The following C1orf21 variants were observed in gnomAD, a reference collection of about 807,000 sequenced individuals.
C1orf21 encodes uncharacterized protein C1orf21.
A neutral mutation model predicts 18.7 loss-of-function variants in C1orf21; 3 were observed. That is an observed-to-expected ratio of 0.16 (90% CI 0.07 to 0.42). The LOEUF (loss-of-function observed/expected upper bound fraction) is 0.42, where lower values mean the gene tolerates loss of function less well. Among genes scored for constraint, C1orf21 ranks in the 10% least tolerant of loss-of-function variants. The pLI is 0.99. For synonymous variants in C1orf21, 41 were observed against 46.4 expected, an observed-to-expected ratio of 0.88 and a Z score of 0.47; for missense variants, 104 against 143.6, an observed-to-expected ratio of 0.72 and a Z score of 1.41.
At chr1:184,550,486 C>A (rs1471804757) in intron 3 of C1orf21, among the ~76,000 whole-genome samples, 1 of 152,148 alleles carries the variant, frequency 6.6e-6, no homozygotes, top group Non-Finnish European at 1.5e-5. Flanking sequence ...GAAGTGATTT[C>A]ATCTCTTCAA....
intron 2 of C1orf21, among the ~76,000 whole-genome samples, chr1:184,485,630 CT>C (rs1657721856): frequency 6.6e-6 from 1 of 151,338 alleles, no homozygotes. Context: ...TACACTCAGC[CT>C]TTTGTGTGTC....
intron 1 of C1orf21, among the ~76,000 whole-genome samples, chr1:184,454,366 T>C (rs1479444131): frequency 2.6e-5 from 4 of 151,836 alleles, no homozygotes; most frequent in Admixed American, 2.0e-4. Flanking sequence ...AATTTAGAGG[T>C]TTATTTTGCC....
At chr1:184,518,669 CACAGTGTTAGTGTCCCAGTACA>C (rs1400252614) in intron 3 of C1orf21, among the ~76,000 whole-genome samples, 1 of 152,032 alleles carries the variant, frequency 6.6e-6, no homozygotes, top group East Asian at 1.9e-4. Flanking sequence ...TTCAGGTGAA[CACAGTGTTAGTGTCCCAGTACA>C]ACATATCTCT....
At chr1:184,411,051 G>A (rs894007088) in intron 1 of C1orf21, among the ~76,000 whole-genome samples, 2 of 151,988 alleles carry the variant, frequency 1.3e-5, no homozygotes, top group African/African-American at 4.8e-5. Flanking sequence ...AAATAGTTCC[G>A]ATTTGGAGAA....
At chr1:184,556,909 G>A (rs1208516435) in intron 3 of C1orf21, among the ~76,000 whole-genome samples, 4 of 152,156 alleles carry the variant, frequency 2.6e-5, no homozygotes, top group South Asian at 4.1e-4. Context: ...AGCGGCCTGA[G>A]CATCACAAGA....
chr1:184,574,210 G>C (rs1185784419), intron 3 of C1orf21, among the ~76,000 whole-genome samples: 1 of 151,492 alleles, frequency 6.6e-6, no homozygotes, highest in African/African-American at 2.4e-5. Flanking sequence ...GTCTCAAAAC[G>C]AAACAAAAAA....
chr1:184,471,466 T>C (rs1247249719), intron 1 of C1orf21, among the ~76,000 whole-genome samples: 1 of 152,106 alleles, frequency 6.6e-6, no homozygotes, highest in Non-Finnish European at 1.5e-5. Context: ...TTTTAAGTGG[T>C]CATTTCATCC....
At chr1:184,483,897 T>TTGTG (rs149955842) in intron 2 of C1orf21, among the ~76,000 whole-genome samples, 1 of 132,538 alleles carries the variant, frequency 7.5e-6, no homozygotes, top group Non-Finnish European at 1.6e-5. Context: ...TTTGCTGCCT[T>TTGTG]TGTGTGTGTG....
intron 1 of C1orf21, among the ~76,000 whole-genome samples, chr1:184,425,164 A>G (rs918594144): frequency 1.3e-5 from 2 of 152,174 alleles, no homozygotes; most frequent in Admixed American, 1.3e-4. Context: ...CTTAGATGTC[A>G]ATCAAGATTA....
intron 1 of C1orf21, among the ~76,000 whole-genome samples, chr1:184,419,584 A>G (rs1022774937): frequency 6.6e-6 from 1 of 152,212 alleles, no homozygotes; most frequent in Non-Finnish European, 1.5e-5. Flanking sequence ...GACAATAAAC[A>G]ATACACACAG....
intron 5 of C1orf21, among the ~76,000 whole-genome samples, chr1:184,602,539 G>A (rs1353785385): frequency 6.6e-6 from 1 of 152,086 alleles, no homozygotes; most frequent in Non-Finnish European, 1.5e-5. Context: ...CTTTTTTGAA[G>A]TGTTAGCATT....
At chr1:184,444,085 C>G (rs1392583388) in intron 1 of C1orf21, among the ~76,000 whole-genome samples, 2 of 152,132 alleles carry the variant, frequency 1.3e-5, no homozygotes, top group South Asian at 4.1e-4. Flanking sequence ...GAAGATTCTG[C>G]CTCCCAATGA....
At chr1:184,531,597 A>G (rs896396543) in intron 3 of C1orf21, among the ~76,000 whole-genome samples, 1 of 152,140 alleles carries the variant, frequency 6.6e-6, no homozygotes, top group Non-Finnish European at 1.5e-5. Context: ...TGCTTATAAA[A>G]TCTTAGTTTT....
intron 3 of C1orf21, among the ~76,000 whole-genome samples, chr1:184,577,659 T>C (rs1659212198): frequency 6.6e-6 from 1 of 152,300 alleles, no homozygotes; most frequent in East Asian, 1.9e-4. Context: ...TTTAACTTTT[T>C]GTTTTTAGCT....
At chr1:184,460,829 A>G (rs1657297668) in intron 1 of C1orf21, among the ~76,000 whole-genome samples, 4 of 150,962 alleles carry the variant, frequency 2.6e-5, no homozygotes, top group African/African-American at 7.3e-5. Flanking sequence ...AGTAATCTAG[A>G]TAAGACAGAG....
chr1:184,403,243 C>T (rs945058663), intron 1 of C1orf21, among the ~76,000 whole-genome samples: 3 of 152,158 alleles, frequency 2.0e-5, no homozygotes, highest in African/African-American at 7.2e-5. Context: ...GTGGTACATT[C>T]ATATGAAACA....
chr1:184,450,964 G>A (rs967487286), intron 1 of C1orf21, among the ~76,000 whole-genome samples: 2 of 152,232 alleles, frequency 1.3e-5, no homozygotes, highest in Admixed American at 1.3e-4. Context: ...TGCAACTTCT[G>A]CCTCCTGGGT....
chr1:184,486,816 G>A (rs1204542714), intron 2 of C1orf21, among the ~76,000 whole-genome samples: 2 of 152,218 alleles, frequency 1.3e-5, no homozygotes, highest in Non-Finnish European at 2.9e-5. Flanking sequence ...CCTGCTGCCA[G>A]GCAGCTGGGT....
intron 1 of C1orf21, among the ~76,000 whole-genome samples, chr1:184,441,143 C>T (rs1204746514): frequency 6.6e-6 from 1 of 152,166 alleles, no homozygotes; most frequent in Non-Finnish European, 1.5e-5. Flanking sequence ...TCCCAGCACA[C>T]CTAGGCATTT....
Sources: gnomAD v4.1 joint callset for allele counts (sites outside exome capture counted in the v4.1 genomes callset) on GRCh38, gnomAD v4.1.1 for gene constraint, MANE v1.5 for transcripts, NCBI Gene and HGNC (gene_info 2026-07-23, HGNC 2026-07-21) for gene names.